The following GALNT9 variants were observed in gnomAD, a reference collection of about 807,000 sequenced individuals.
The protein encoded by GALNT9 is polypeptide N-acetylgalactosaminyltransferase 9, also known as GalNAc transferase 9.
In GALNT9, 47 loss-of-function variants were observed where a neutral mutation model predicts 63.1. The observed-to-expected ratio is 0.75, with a 90% confidence interval of 0.59 to 0.95. GALNT9 has a LOEUF of 0.95. Ranked by LOEUF, GALNT9 falls within the 40% of genes least tolerant of loss-of-function variation. The pLI is 0.00. For missense variants in GALNT9, 829 were observed against 874.8 expected (o/e 0.95, Z 0.66); for synonymous variants, 396 against 365.7 (o/e 1.08, Z -0.94).
At chr12:132,302,792 G>A (rs1473065927) in intron 1 of GALNT9, among the ~76,000 whole-genome samples, 1 of 152,244 alleles carries the variant, frequency 6.6e-6, no homozygotes, top group Non-Finnish European at 1.5e-5. Flanking sequence ...TGCAGGTCAG[G>A]GCTGTGGCAG....
At chr12:132,322,632 G>A (rs868932218) in intron 1 of GALNT9, among the ~76,000 whole-genome samples, 1 of 152,078 alleles carries the variant, frequency 6.6e-6, no homozygotes, top group Non-Finnish European at 1.5e-5. Context: ...CTTCCAGAAC[G>A]TAGGAAGCAC....
At chr12:132,249,302 C>T (rs1200799132) in intron 5 of GALNT9, among the ~76,000 whole-genome samples, 1 of 152,192 alleles carries the variant, frequency 6.6e-6, no homozygotes, top group African/African-American at 2.4e-5. Context: ...CTTCCCTGAT[C>T]CTCCTCTGCG....
intron 6 of GALNT9, chr12:132,247,304 G>A (rs187370610): frequency 1.3e-4 from 45 of 337,178 alleles, no homozygotes; most frequent in African/African-American, 9.3e-4. Context: ...TCACCTGGGG[G>A]CAATTCATAA....
At chr12:132,258,065 G>C (rs1566002286) in intron 4 of GALNT9, among the ~76,000 whole-genome samples, 179 bp from the exon 5 acceptor site, 1 of 152,180 alleles carries the variant, frequency 6.6e-6, no homozygotes. Context: ...CTCAGCAGCA[G>C]ACCCACCCTG....
chr12:132,293,439 G>A (rs565624586), intron 1 of GALNT9, among the ~76,000 whole-genome samples: 19 of 152,268 alleles, frequency 1.2e-4, no homozygotes, highest in Admixed American at 1.0e-3. Flanking sequence ...ACCTATTGAC[G>A]ATTCTTAGAG....
At chr12:132,305,523 ACCCGGGCACAC>A (rs1566020070) in intron 1 of GALNT9, among the ~76,000 whole-genome samples, 36 of 108,260 alleles carry the variant, frequency 3.3e-4, no homozygotes, top group African/African-American at 7.3e-4. Flanking sequence ...GCACAGCCTC[ACCCGGGCACAC>A]CCTCACCCGG....
At chr12:132,262,285 G>A (rs1234279753) in intron 3 of GALNT9, among the ~76,000 whole-genome samples, 174 bp downstream of exon 3, 4 of 152,154 alleles carry the variant, frequency 2.6e-5, no homozygotes, top group African/African-American at 4.8e-5. Flanking sequence ...CAGCACGTAC[G>A]CAGCCATGAC....
At chr12:132,287,678 AAGGAGCC>A (rs1439834744) in intron 1 of GALNT9, among the ~76,000 whole-genome samples, 3 of 152,178 alleles carry the variant, frequency 2.0e-5, no homozygotes, top group Non-Finnish European at 2.9e-5. Context: ...GTCGACTGGA[AAGGAGCC>A]GGTGGAACTT....
At chr12:132,298,637 T>G (rs1433415314) in intron 1 of GALNT9, among the ~76,000 whole-genome samples, 3 of 149,652 alleles carry the variant, frequency 2.0e-5, no homozygotes, top group South Asian at 2.1e-4. Context: ...ACCAAGCCAC[T>G]CCTGAGATAA....
chr12:132,244,062 C>G (rs1454347528), intron 6 of GALNT9, among the ~76,000 whole-genome samples: 2 of 150,540 alleles, frequency 1.3e-5, no homozygotes. Flanking sequence ...ACGTGCAGTT[C>G]TCGACACCGG....
intron 5 of GALNT9, among the ~76,000 whole-genome samples, chr12:132,251,728 G>C (rs538840246): frequency 6.6e-6 from 1 of 150,902 alleles, no homozygotes; most frequent in South Asian, 2.2e-4. Context: ...AGTGCTTGGG[G>C]TTCCAGAGCT....
At chr12:132,207,080 A>C (rs542026494) in intron 6 of GALNT9, among the ~76,000 whole-genome samples, 124 of 152,298 alleles carry the variant, frequency 8.1e-4, no homozygotes, top group Admixed American at 1.4e-3. Flanking sequence ...TAAAAAGTAA[A>C]AATAAACCCC....
chr12:132,267,580 C>A (rs1879649149), intron 2 of GALNT9, among the ~76,000 whole-genome samples: 4 of 152,172 alleles, frequency 2.6e-5, no homozygotes, highest in Admixed American at 2.6e-4. Context: ...GAAAAAGAAC[C>A]AAGCGGGAGG....
intron 1 of GALNT9, among the ~76,000 whole-genome samples, chr12:132,300,581 CTG>C (rs1800020107): frequency 7.6e-6 from 1 of 131,580 alleles, no homozygotes. Flanking sequence ...TAACGCACCC[CTG>C]AGATAACCAA....
chr12:132,319,544 C>T lies in GALNT9; in HGVS notation c.238+9422G>A, dbSNP rs1868682326. Reference sequence around the variant, plus strand: ...AGATGATGGGGCCTCTTGGTCTGCACAGTCACGGGAGCCAATCCTCACCCT... The same window carrying T: ...AGATGATGGGGCCTCTTGGTCTGCATAGTCACGGGAGCCAATCCTCACCCT... On this transcript the variant is annotated intron_variant, in intron 1 of 10. Coordinates refer to ENST00000328957, the MANE Select transcript of GALNT9 (RefSeq NM_001122636.2). This position sits in a 1 kb window ranked among gnomAD's most constrained non-coding sequence, Gnocchi z 5.2. Among the ~76,000 whole-genome samples, 1 of 152,208 alleles carries T rather than the reference C, an allele frequency of 6.6e-6. No homozygotes were observed. Among genetic ancestry groups the T allele is most frequent in the South Asian group, 2.1e-4 (1 of 4,834 alleles).
chr12:132,302,157 C>T (rs970367248), intron 1 of GALNT9, among the ~76,000 whole-genome samples: 49 of 151,668 alleles, frequency 3.2e-4, no homozygotes, highest in African/African-American at 1.1e-3. Flanking sequence ...GCAATATATG[C>T]TTCCACTACT....
At chr12:132,271,226 GA>G (rs1879852928) in intron 2 of GALNT9, among the ~76,000 whole-genome samples, 1 of 151,934 alleles carries the variant, frequency 6.6e-6, no homozygotes, top group Non-Finnish European at 1.5e-5. Flanking sequence ...GAGCCTTGGG[GA>G]CACGTTTGCC....
At chr12:132,205,330 G>C (rs1348928430) in intron 6 of GALNT9, 2 of 152,238 alleles carry the variant, frequency 1.3e-5, no homozygotes, top group Non-Finnish European at 2.9e-5. Context: ...CAGGGAGAGA[G>C]AGAACCGGGA....
chr12:132,196,483 G>A lies in GALNT9; in HGVS notation c.*624C>T, dbSNP rs1875515521. The A allele has an allele frequency of 1.0e-6, 1 of 985,580 alleles. No individual in the cohort carries two copies. The highest frequency in any genetic ancestry group is 1.2e-6 in the Non-Finnish European group (1 of 830,034). The allele number at this position is 985,580 out of a possible 1,614,324, so 61.1% of individuals were successfully genotyped here. On this transcript the variant is annotated 3_prime_UTR_variant, in exon 11 of 11. Transcript: ENST00000328957. ...GGACCGGGCCCCAACCCCCAGCTCG[G>A]CTCCCAGGAAGACACACACAGTGCT...
Sources: allele counts gnomAD v4.1 joint callset (sites outside exome capture counted in the v4.1 genomes callset), GRCh38; gene constraint gnomAD v4.1.1; non-coding constraint Gnocchi (gnomAD v3.1); transcripts MANE v1.5; gene names NCBI Gene and HGNC (gene_info 2026-07-23, HGNC 2026-07-21).